The following NFIA variants were observed in gnomAD, a reference collection of about 807,000 sequenced individuals.
NFIA encodes nuclear factor I A, also known as nuclear factor 1 A-type.
In NFIA, 8 loss-of-function variants were observed where a neutral mutation model predicts 62.8. The observed-to-expected ratio is 0.13, with a 90% CI of 0.07 to 0.23. The LOEUF is 0.23. Among genes scored for constraint, NFIA ranks in the 10% least tolerant of loss-of-function variants. NFIA has a pLI of 1.00. For synonymous variants in NFIA, 235 were observed against 238.1 expected (o/e 0.99, Z 0.12); for missense variants, 410 against 642.1 (o/e 0.64, Z 3.91).
At chr1:61,152,444 A>G (rs774283770) in intron 2 of NFIA, among the ~76,000 whole-genome samples, 9 of 152,180 alleles carry the variant, frequency 5.9e-5, no homozygotes, top group Admixed American at 4.6e-4. Flanking sequence ...GGCACTTGTA[A>G]ATAAAATCCT....
intron 2 of NFIA, among the ~76,000 whole-genome samples, chr1:61,133,381 G>A (rs931514514): frequency 2.6e-5 from 4 of 151,928 alleles, no homozygotes; most frequent in Admixed American, 6.6e-5. Flanking sequence ...ATAGAAAAGT[G>A]TATGAAAAGC....
chr1:61,225,652 C>A (rs755296535), intron 2 of NFIA, among the ~76,000 whole-genome samples: 3 of 149,968 alleles, frequency 2.0e-5, no homozygotes, highest in Non-Finnish European at 4.4e-5. Flanking sequence ...TTCGTATCTA[C>A]GATTGACATC....
chr1:61,197,234 CTTTTTTTTTTTT>C (rs1002158986), intron 2 of NFIA, among the ~76,000 whole-genome samples: 3 of 93,388 alleles, frequency 3.2e-5, no homozygotes, highest in Non-Finnish European at 6.1e-5. Flanking sequence ...TACTCTGGTT[CTTTTTTTTTTTT>C]TTTTTTTTTT....
intron 2 of NFIA, among the ~76,000 whole-genome samples, chr1:61,178,561 G>A (rs1650550413): frequency 1.3e-5 from 2 of 152,326 alleles, no homozygotes; most frequent in South Asian, 4.2e-4. Flanking sequence ...GTGGAATCAG[G>A]ATTCAATCCG....
intron 2 of NFIA, among the ~76,000 whole-genome samples, chr1:61,196,826 T>C (rs1378181012): frequency 1.3e-5 from 2 of 152,188 alleles, no homozygotes; most frequent in Non-Finnish European, 2.9e-5. Flanking sequence ...TCGACTTCTC[T>C]GCATACTCAT....
intron 2 of NFIA, among the ~76,000 whole-genome samples, chr1:61,109,040 T>TA (rs1391134326): frequency 1.3e-5 from 2 of 151,862 alleles, no homozygotes; most frequent in South Asian, 2.1e-4. Context: ...CTCAGTCTCT[T>TA]ACGTTTTGAT....
At chr1:61,287,832 G>T (rs1273372452) in intron 3 of NFIA, among the ~76,000 whole-genome samples, 2 of 152,156 alleles carry the variant, frequency 1.3e-5, no homozygotes, top group Non-Finnish European at 2.9e-5. Context: ...TCCTGTGGAG[G>T]TTACATAGGC....
At chr1:61,429,116 G>A (rs1666992228) in intron 10 of NFIA, among the ~76,000 whole-genome samples, 1 of 152,124 alleles carries the variant, frequency 6.6e-6, no homozygotes, top group Non-Finnish European at 1.5e-5. Flanking sequence ...TTTTTCAAGT[G>A]GGTAGAAATT....
rs1032161537 is a variant in NFIA at position 61,088,009 on chromosome 1, T to C, written c.28-140T>C. On this transcript the variant is annotated intron_variant, in intron 1 of 10. Transcript: ENST00000403491. The surrounding 1 kb of genome is among the most constrained non-coding windows in gnomAD (Gnocchi z 4.5). ...TTCCCAGACTTCCCATAGGATCCTG[T>C]GTATGATTTTGGTAACAGAATGCTC... is the stretch of plus-strand genomic sequence containing the variant. The C allele has an allele frequency of 6.6e-6, 5 of 757,996 alleles. No individual in the cohort carries two copies. The highest frequency in any genetic ancestry group is 8.4e-6 in the Non-Finnish European group (4 of 477,948). The allele number at this position is 757,996 out of a possible 1,614,324, so 47.0% of individuals were successfully genotyped here.
At chr1:61,187,270 C>G (rs992558300) in intron 2 of NFIA, among the ~76,000 whole-genome samples, 1 of 152,014 alleles carries the variant, frequency 6.6e-6, no homozygotes. Flanking sequence ...GTGACCTGCC[C>G]GAGCCCCCCT....
At position 61,182,102 on chromosome 1, in the gene NFIA, T is replaced by C. The variant is rs535590433; in HGVS notation, c.559+93422T>C. On this transcript the variant is annotated intron_variant, in intron 2 of 10. Coordinates refer to ENST00000403491, the MANE Select transcript of NFIA (RefSeq NM_001134673.4). ...CTATTTTTACTTTAAATTCTTTCTG[T>C]ATTTGTATTTTGGTTGCCTGCAGTC... 1.4e-4 allele frequency among the ~76,000 whole-genome samples: 22 copies of C among 152,338 alleles called. 1 individual carries two copies. The highest frequency in any genetic ancestry group is 4.3e-4 in the African/African-American group (18 of 41,580).
In NFIA at chr1:61,341,400, A is replaced by C. The variant is rs564321872; in HGVS notation, c.700+8814A>C. 3.2e-4 allele frequency among the ~76,000 whole-genome samples: 48 copies of C among 152,096 alleles called. 1 individual carries two copies. The highest frequency in any genetic ancestry group is 3.1e-3 in the South Asian group (15 of 4,816). On this transcript the variant is annotated intron_variant, in intron 4 of 10. Coordinates refer to ENST00000403491, the MANE Select transcript of NFIA (RefSeq NM_001134673.4). Reference sequence around the variant, plus strand: ...GTACTTAGTTTTACAGTATTTTAAAATTTTGCTTTCACTCATATTATGAGC... The same window carrying C: ...GTACTTAGTTTTACAGTATTTTAAACTTTTGCTTTCACTCATATTATGAGC...
chr1:61,209,624 G>T (rs1653115020), intron 2 of NFIA, among the ~76,000 whole-genome samples: 1 of 151,912 alleles, frequency 6.6e-6, no homozygotes, highest in South Asian at 2.1e-4. Flanking sequence ...AGGAGTTTGA[G>T]ACCAATCTGG....
intron 2 of NFIA, among the ~76,000 whole-genome samples, chr1:61,195,567 T>C (rs1335650286): frequency 6.6e-6 from 1 of 152,208 alleles, no homozygotes. Flanking sequence ...TTTTAAAATG[T>C]AATTTGGCTA....
Position 61,088,484 on chromosome 1 carries a change from C to T in NFIA, c.363C>T (p.Arg121=), listed in dbSNP as rs1286945796. Residue 121 remains arginine (R), a synonymous_variant, in exon 2 of 11, where the codon CGC becomes CGT. Coordinates refer to ENST00000403491, the MANE Select transcript of NFIA (RefSeq NM_001134673.4). This position sits in a 1 kb window ranked among gnomAD's most constrained non-coding sequence, Gnocchi z 4.5. ...KGKMRRIDCL[R]QADKVWRLDL... is the part of the protein sequence containing the mutation. ...AGATGCGAAGAATTGACTGCCTCCG[C>T]CAGGCAGATAAAGTCTGGAGGTTGG... The T allele has an allele frequency of 6.2e-7, 1 of 1,614,086 alleles. No individual in the cohort carries two copies. Among genetic ancestry groups the T allele is most frequent in the Non-Finnish European group, 8.5e-7 (1 of 1,180,016 alleles).
Position 61,188,819 on chromosome 1 carries a change from C to T in NFIA, c.560-88701C>T, listed in dbSNP as rs1415802832. Among the ~76,000 whole-genome samples, 4 of 152,128 alleles carry T rather than the reference C, an allele frequency of 2.6e-5. No individual in the cohort carries two copies. In the East Asian group the frequency reaches 7.7e-4, roughly 29 times the overall value. On this transcript the variant is annotated intron_variant, in intron 2 of 10. Transcript: ENST00000403491. ...ACCTAATTTGTATTTTTCCAAGTTA[C>T]GTATATTAAAGTCATACTAATTGGT...
rs1237651764 is a variant in NFIA, at chr1:61,456,080, A to G, written c.*760A>G. ...ACAACATTTTTTCAACAATTTCAAC[A>G]ATGACACAAAAATTCACATGGAAAT... is the stretch of plus-strand genomic sequence containing the variant. On this transcript the variant is annotated 3_prime_UTR_variant, in exon 11 of 11. Coordinates refer to ENST00000403491, the MANE Select transcript of NFIA (RefSeq NM_001134673.4). 1 of 152,652 alleles carries G rather than the reference A, an allele frequency of 6.6e-6. No homozygotes were observed. Among genetic ancestry groups the G allele is most frequent in the African/African-American group, 2.4e-5 (1 of 41,462 alleles). 9.5% of individuals were successfully genotyped at this position (152,652 alleles called of 1,614,324 possible).
At chr1:61,229,012 A>T (rs1234832732) in intron 2 of NFIA, among the ~76,000 whole-genome samples, 1 of 152,186 alleles carries the variant, frequency 6.6e-6, no homozygotes, top group African/African-American at 2.4e-5. Flanking sequence ...CCATTAATAA[A>T]AAAGAATGCA....
At chr1:61,298,816 C>T (rs1279642294) in intron 3 of NFIA, among the ~76,000 whole-genome samples, 1 of 152,048 alleles carries the variant, frequency 6.6e-6, no homozygotes, top group African/African-American at 2.4e-5. Flanking sequence ...ACTTCATTGC[C>T]CATCTTCATT....
Sources: gnomAD v4.1 joint callset for allele counts (sites outside exome capture counted in the v4.1 genomes callset) on GRCh38, gnomAD v4.1.1 for gene constraint, Gnocchi (gnomAD v3.1) non-coding constraint, MANE v1.5 for transcripts, NCBI Gene and HGNC (gene_info 2026-07-23, HGNC 2026-07-21) for gene names.